NBEA: variants seen among roughly 807,000 people sequenced by gnomAD.
The protein encoded by NBEA is neurobeachin.
In NBEA, 44 loss-of-function variants were observed where a neutral mutation model predicts 343.4. The ratio of observed to expected loss-of-function variants is 0.13; its 90% CI spans 0.10 to 0.16. NBEA has a LOEUF of 0.16. Ranked by LOEUF, NBEA falls within the 10% of genes least tolerant of loss-of-function variation. The pLI is 1.00. For synonymous variants in NBEA, 1,175 were observed against 1,238.7 expected, an observed-to-expected ratio of 0.95 and a Z score of 1.08; for missense variants, 2,555 against 3,631.3, an observed-to-expected ratio of 0.70 and a Z score of 7.62.
At chr13:35,643,856 A>C (rs2084087006) in intron 49 of NBEA, among the ~76,000 whole-genome samples, 2 of 152,170 alleles carry the variant, frequency 1.3e-5, no homozygotes, top group Non-Finnish European at 2.9e-5. Context: ...GTCACCAGGC[A>C]ACCCTCCCAT....
intron 21 of NBEA, among the ~76,000 whole-genome samples, chr13:35,157,851 T>C (rs1024708562): frequency 1.3e-5 from 2 of 152,174 alleles, no homozygotes; most frequent in Non-Finnish European, 2.9e-5. Flanking sequence ...TGAAGTGTTA[T>C]AGAAGAAGCA....
chr13:35,022,634 T>C (rs906565926), intron 1 of NBEA, among the ~76,000 whole-genome samples: 7 of 152,194 alleles, frequency 4.6e-5, no homozygotes, highest in South Asian at 2.1e-4. Context: ...GGTTAAATGC[T>C]TGGTGGAGAT....
chr13:35,118,436 C>T lies in NBEA; in HGVS notation c.2205C>T (p.Ala735=), dbSNP rs368125853. The T allele has an allele frequency of 1.1e-4, 177 of 1,605,794 alleles. No homozygotes were observed. The highest frequency in any genetic ancestry group is 1.5e-4 in the Non-Finnish European group (172 of 1,176,538). ...LLVALMSEHP[A]SMIPAFDQRN... is the part of the protein sequence containing the mutation. Reference sequence around the variant, plus strand: ...TGGCTTTAATGTCGGAACACCCAGCCTCAATGATACCAGCATTTGATCAAA... The same window carrying T: ...TGGCTTTAATGTCGGAACACCCAGCTTCAATGATACCAGCATTTGATCAAA... Residue 735 remains alanine (A), a synonymous_variant, in exon 16 of 59, where the codon GCC becomes GCT. Transcript: ENST00000379939.
intron 48 of NBEA, among the ~76,000 whole-genome samples, chr13:35,613,998 A>G (rs557729656): frequency 2.0e-5 from 3 of 152,248 alleles, no homozygotes; most frequent in Admixed American, 1.3e-4. Flanking sequence ...TTTTCTCCAC[A>G]TCTTTGCCAA....
intron 40 of NBEA, among the ~76,000 whole-genome samples, chr13:35,456,547 A>G (rs780257433): frequency 1.4e-4 from 22 of 152,118 alleles, no homozygotes; most frequent in Non-Finnish European, 2.9e-4. Context: ...TGAGATTGGT[A>G]TAATTCAATG....
At chr13:35,134,800 T>A (rs2067629057) in intron 17 of NBEA, among the ~76,000 whole-genome samples, 1 of 152,000 alleles carries the variant, frequency 6.6e-6, no homozygotes, top group Non-Finnish European at 1.5e-5. Context: ...ACAAAGCTGA[T>A]GTTTTTAAGG....
chr13:35,588,560 A>T (rs1413414679), intron 46 of NBEA, among the ~76,000 whole-genome samples: 2 of 152,156 alleles, frequency 1.3e-5, no homozygotes, highest in Non-Finnish European at 2.9e-5. Flanking sequence ...ACTTTAAATT[A>T]AAAATATTAT....
At chr13:35,482,341 A>G (rs1001216650) in intron 41 of NBEA, among the ~76,000 whole-genome samples, 2 of 151,514 alleles carry the variant, frequency 1.3e-5, no homozygotes, top group African/African-American at 4.8e-5. Context: ...AAGTATAGAG[A>G]TAACTATCTG....
At chr13:35,200,458 CAAAAAA>C (rs5802754) in intron 31 of NBEA, among the ~76,000 whole-genome samples, 1 of 137,168 alleles carries the variant, frequency 7.3e-6, no homozygotes, top group Non-Finnish European at 1.6e-5. Context: ...GAACAAAAGA[CAAAAAA>C]AAAAAAAAAT....
intron 27 of NBEA, among the ~76,000 whole-genome samples, chr13:35,176,083 G>C (rs573533158): frequency 6.6e-6 from 1 of 152,184 alleles, no homozygotes; most frequent in South Asian, 2.1e-4. Flanking sequence ...GTTCAGAGAG[G>C]TTAACTTCTC....
At chr13:34,993,358 A>G (rs1281709813) in intron 1 of NBEA, among the ~76,000 whole-genome samples, 1 of 152,200 alleles carries the variant, frequency 6.6e-6, no homozygotes, top group East Asian at 1.9e-4. Flanking sequence ...TTACTTATGA[A>G]TATCTGTTTA....
Position 35,654,855 on chromosome 13 carries a change from C to A in NBEA, c.8036C>A (p.Ala2679Asp). ...AATGCTTTTTTCCATTTACTTTTAG[C>A]CAATAATTCAGGTGTAAACAAACGG... ...HLPIEMDPLIANNSGVNKRQI... is the reference protein window; with the variant it reads ...HLPIEMDPLIDNNSGVNKRQI... Residue 2679 changes from alanine (A) to aspartate (D), a missense_variant and splice_region_variant, in exon 54 of 59, where the codon GCC becomes GAC. Ala to Asp is a moderately radical substitution (Grantham distance 126). Coordinates refer to ENST00000379939, the MANE Select transcript of NBEA (RefSeq NM_001385012.1). 1 of 1,564,886 alleles carries A rather than the reference C, an allele frequency of 6.4e-7. No individual in the cohort carries two copies. The highest frequency in any genetic ancestry group is 8.6e-7 in the Non-Finnish European group (1 of 1,163,354).
intron 33 of NBEA, among the ~76,000 whole-genome samples, chr13:35,218,272 A>T (rs1457737852): frequency 1.3e-5 from 2 of 152,078 alleles, no homozygotes; most frequent in African/African-American, 2.4e-5. Context: ...AATGAATTTT[A>T]TATTCTTATC....
At chr13:35,228,498 C>T (rs1004602978) in intron 33 of NBEA, among the ~76,000 whole-genome samples, 1 of 151,682 alleles carries the variant, frequency 6.6e-6, no homozygotes, top group African/African-American at 2.4e-5. Context: ...TACATGATAC[C>T]CATTAAGTAA....
chr13:35,064,298 A>T (rs1328337454), intron 8 of NBEA, among the ~76,000 whole-genome samples: 3 of 151,948 alleles, frequency 2.0e-5, no homozygotes, highest in Non-Finnish European at 4.4e-5. Flanking sequence ...AGCAAAGGAG[A>T]ATGAGGAGAA....
chr13:35,174,489 T>C (rs2070723449), intron 27 of NBEA, among the ~76,000 whole-genome samples: 1 of 152,164 alleles, frequency 6.6e-6, no homozygotes, highest in South Asian at 2.1e-4. Flanking sequence ...AGAAGTTTAA[T>C]TCATCTTAAA....
chr13:35,086,401 A>C (rs1182557731), intron 10 of NBEA, among the ~76,000 whole-genome samples: 3 of 151,926 alleles, frequency 2.0e-5, no homozygotes, highest in Admixed American at 2.0e-4. Context: ...CCAACTATCT[A>C]ACTGTATGTT....
intron 45 of NBEA, among the ~76,000 whole-genome samples, chr13:35,575,662 C>T (rs1371202081): frequency 1.3e-5 from 2 of 151,930 alleles, no homozygotes; most frequent in Non-Finnish European, 2.9e-5. Context: ...TAGTATTTTC[C>T]CATATAATCA....
At chr13:35,664,165 A>G (rs1207591203) in intron 55 of NBEA, among the ~76,000 whole-genome samples, 1 of 152,198 alleles carries the variant, frequency 6.6e-6, no homozygotes, top group Non-Finnish European at 1.5e-5. Context: ...CAGAGGTCCC[A>G]TAAGTGCCAA....
Sources: gnomAD v4.1 joint callset for allele counts (sites outside exome capture counted in the v4.1 genomes callset) on GRCh38, gnomAD v4.1.1 for gene constraint, MANE v1.5 for transcripts, NCBI Gene and HGNC (gene_info 2026-07-23, HGNC 2026-07-21) for gene names.